CA10: variants seen among roughly 807,000 people sequenced by gnomAD.
CA10 encodes carbonic anhydrase 10 (inactive).
CA10 carries 14 observed loss-of-function variants against 44.2 expected under a neutral mutation model. The observed-to-expected ratio is 0.32, with a 90% CI of 0.21 to 0.50. CA10 has a LOEUF of 0.50. Ranked by LOEUF, CA10 falls within the 20% of genes least tolerant of loss-of-function variation. The pLI, the probability that CA10 is intolerant of heterozygous loss-of-function variation, is 0.99. For synonymous variants in CA10, 159 were observed against 141.6 expected (o/e 1.12, Z -0.87); for missense variants, 350 against 409.7 (o/e 0.85, Z 1.26).
chr17:51,663,197 C>T, intron 4 of CA10, among the ~76,000 whole-genome samples: 1 of 142,064 alleles, frequency 7.0e-6, no homozygotes, highest in South Asian at 2.3e-4. Flanking sequence ...TTCCGTGATG[C>T]TTTTTTTTTT....
chr17:51,936,795 C>T (rs143774750), intron 2 of CA10, among the ~76,000 whole-genome samples: 29 of 152,216 alleles, frequency 1.9e-4, no homozygotes, highest in African/African-American at 6.5e-4. Flanking sequence ...AGAGCAAGCT[C>T]GACTATCCTT....
At chr17:51,896,282 CTTCT>C (rs140300641) in intron 3 of CA10, among the ~76,000 whole-genome samples, 2,974 of 152,100 alleles carry the variant, frequency 0.02, 75 homozygotes, top group African/African-American at 0.068. Flanking sequence ...CTGTTGTTCC[CTTCT>C]TTGTGTCCAC....
chr17:51,673,543 A>G (rs1314524885), intron 4 of CA10, among the ~76,000 whole-genome samples: 1 of 152,160 alleles, frequency 6.6e-6, no homozygotes, highest in Non-Finnish European at 1.5e-5. Flanking sequence ...TTAGTCATGA[A>G]GTTCTGTGAA....
intron 2 of CA10, among the ~76,000 whole-genome samples, chr17:52,035,699 CTCCTGCTGGTGCCG>C (rs1986597202): frequency 2.0e-5 from 3 of 152,336 alleles, no homozygotes; most frequent in Non-Finnish European, 4.4e-5. Flanking sequence ...ATGGAGTTCA[CTCCTGCTGGTGCCG>C]ATGTGTCTAG....
At chr17:51,647,469 C>T (rs1287390882) in intron 6 of CA10, among the ~76,000 whole-genome samples, 1 of 152,058 alleles carries the variant, frequency 6.6e-6, no homozygotes, top group East Asian at 1.9e-4. Context: ...TTCTTCCCTG[C>T]CTCCCCTTCC....
chr17:51,733,663 C>G (rs1251101779), intron 4 of CA10, among the ~76,000 whole-genome samples: 2 of 152,184 alleles, frequency 1.3e-5, no homozygotes, highest in Non-Finnish European at 2.9e-5. Context: ...CTTTTTGGAG[C>G]AGAAACATTC....
At chr17:51,943,168 T>C (rs961111451) in intron 2 of CA10, among the ~76,000 whole-genome samples, 1 of 152,202 alleles carries the variant, frequency 6.6e-6, no homozygotes, top group Non-Finnish European at 1.5e-5. Context: ...ATTCTATACC[T>C]CTTAGCACCC....
intron 4 of CA10, among the ~76,000 whole-genome samples, chr17:51,731,451 G>C (rs1916716350): frequency 6.6e-6 from 1 of 152,076 alleles, no homozygotes; most frequent in Non-Finnish European, 1.5e-5. Context: ...TTTGCTCTGA[G>C]TTCTAGAAAC....
At chr17:51,780,577 G>T (rs1371261210) in intron 3 of CA10, among the ~76,000 whole-genome samples, 1 of 152,126 alleles carries the variant, frequency 6.6e-6, no homozygotes, top group Non-Finnish European at 1.5e-5. Context: ...CATGATGAGG[G>T]GTAAGGATGC....
chr17:51,631,624 GA>G lies in CA10; in HGVS notation c.965-19del, dbSNP rs376661919. The G allele has an allele frequency of 1.1e-3, 1,610 of 1,523,914 alleles. 5 individuals carry two copies. The highest frequency in any genetic ancestry group is 1.3e-3 in the Middle Eastern group (7 of 5,512). 94.4% of individuals were successfully genotyped at this position (1,523,914 alleles called of 1,614,324 possible). A position where few individuals can be genotyped will look rare whatever the true frequency, so the allele number is the denominator to read the frequency against. ...TTCATTTACTGCAAAGAGAGAGAAA[GA>G]AAAAAAAAATCACACATACAACATA... On this transcript the variant is annotated intron_variant, in intron 8 of 8. Transcript: ENST00000451037.
At chr17:52,079,737 C>A (rs974541978) in intron 1 of CA10, among the ~76,000 whole-genome samples, 8 of 152,160 alleles carry the variant, frequency 5.3e-5, no homozygotes, top group African/African-American at 1.9e-4. Context: ...GGAGCTGACA[C>A]CCTGCCTAGG....
intron 1 of CA10, among the ~76,000 whole-genome samples, chr17:52,132,025 G>A (rs1029775761): frequency 2.0e-5 from 3 of 151,872 alleles, no homozygotes; most frequent in African/African-American, 7.3e-5. Context: ...TGGGGGAAAG[G>A]GGGAGGGATA....
chr17:51,659,929 T>C (rs1473472115), intron 4 of CA10, among the ~76,000 whole-genome samples: 1 of 152,172 alleles, frequency 6.6e-6, no homozygotes, highest in Non-Finnish European at 1.5e-5. Flanking sequence ...CATCATCACA[T>C]CCCTGGTGAT....
chr17:51,753,129 G>T (rs78438572), intron 3 of CA10, among the ~76,000 whole-genome samples: 286 of 152,286 alleles, frequency 1.9e-3, no homozygotes, highest in African/African-American at 6.8e-3. Flanking sequence ...GGTCAAGGAA[G>T]TCCCTCAATT....
intron 3 of CA10, among the ~76,000 whole-genome samples, chr17:51,915,486 C>T (rs1981958438): frequency 6.6e-6 from 1 of 152,154 alleles, no homozygotes; most frequent in South Asian, 2.1e-4. Context: ...TTTCCCATGT[C>T]TTCACAATTC....
At chr17:51,798,897 CCAAA>C (rs977864876) in intron 3 of CA10, among the ~76,000 whole-genome samples, 14 of 152,208 alleles carry the variant, frequency 9.2e-5, no homozygotes, top group African/African-American at 3.1e-4. Context: ...CTGCGCATCA[CCAAA>C]CATTTTTAAT....
Position 51,830,534 on chromosome 17 carries a change from C to T in CA10, c.280-82716G>A, listed in dbSNP as rs1158412858. On this transcript the variant is annotated intron_variant, in intron 3 of 8. Transcript: ENST00000451037. The stretch of plus-strand genomic sequence containing the variant: ...ATGAAGAGTTTATGATCAGTTGATG[C>T]CAGAAAGTTGCAACTCTTGAATGAC... Among the ~76,000 whole-genome samples the T allele has an allele frequency of 1.9e-4, 29 of 152,112 alleles. 1 individual carries two copies. The highest frequency in any genetic ancestry group is 4.4e-5 in the Non-Finnish European group (3 of 68,028).
rs188012416 is a variant in CA10, at chr17:51,649,337, A to T, written c.562-83T>A. 34 of 1,009,742 alleles carry T rather than the reference A, an allele frequency of 3.4e-5. No homozygotes were observed. The South Asian group carries it at 4.3e-4, about 13-fold the overall frequency. The allele number at this position is 1,009,742 out of a possible 1,614,324, so 62.5% of individuals were successfully genotyped here. ...CCCCGTGACATTCACTTATTCATTCATAGTTACTGAGTATCTACCATGAGC... is the reference window on the plus strand; with the variant it reads ...CCCCGTGACATTCACTTATTCATTCTTAGTTACTGAGTATCTACCATGAGC... On this transcript the variant is annotated intron_variant, in intron 5 of 8. Transcript: ENST00000451037.
intron 2 of CA10, among the ~76,000 whole-genome samples, chr17:51,982,856 T>C (rs1038653986): frequency 1.3e-5 from 2 of 151,894 alleles, no homozygotes; most frequent in Non-Finnish European, 2.9e-5. Context: ...TCACAGTACA[T>C]GTCAAATAAC....
Sources: gnomAD v4.1 joint callset for allele counts (sites outside exome capture counted in the v4.1 genomes callset) on GRCh38, gnomAD v4.1.1 for gene constraint, MANE v1.5 for transcripts, NCBI Gene and HGNC (gene_info 2026-07-23, HGNC 2026-07-21) for gene names.